Variants in GRIN3A observed in about 807,000 individuals in gnomAD.
The protein encoded by GRIN3A is glutamate ionotropic receptor NMDA type subunit 3A.
Under a neutral mutation model 92.4 loss-of-function variants are expected in GRIN3A, and 47 were observed. The observed-to-expected ratio is 0.51, with a 90% CI of 0.40 to 0.65. The LOEUF is 0.65. Among genes scored for constraint, GRIN3A ranks in the 30% least tolerant of loss-of-function variants. The pLI is 0.00. For synonymous variants in GRIN3A, 527 were observed against 540.6 expected, an observed-to-expected ratio of 0.97 and a Z score of 0.35; for missense variants, 1,324 against 1,393.1, an observed-to-expected ratio of 0.95 and a Z score of 0.79.
At chr9:101,642,979 T>C (rs1328035230) in intron 3 of GRIN3A, among the ~76,000 whole-genome samples, 1 of 152,128 alleles carries the variant, frequency 6.6e-6, no homozygotes, top group Admixed American at 6.5e-5. Flanking sequence ...AATGTAGAAA[T>C]TATTTCATTA....
chr9:101,646,492 G>A (rs894999931), intron 3 of GRIN3A, among the ~76,000 whole-genome samples: 1 of 151,882 alleles, frequency 6.6e-6, no homozygotes, highest in Non-Finnish European at 1.5e-5. Context: ...GATTGCTTTA[G>A]CTATTTGGAG....
At chr9:101,666,661 A>G (rs1395707424) in intron 3 of GRIN3A, among the ~76,000 whole-genome samples, 1 of 152,058 alleles carries the variant, frequency 6.6e-6, no homozygotes, top group Non-Finnish European at 1.5e-5. Flanking sequence ...AAAATATGCC[A>G]TGCATGAAAC....
At chr9:101,682,895 T>C (rs1167293342) in intron 2 of GRIN3A, among the ~76,000 whole-genome samples, 1 of 152,136 alleles carries the variant, frequency 6.6e-6, no homozygotes, top group Non-Finnish European at 1.5e-5. Context: ...GGCAGGAGAA[T>C]GGCGTGAACC....
rs564415634 is a variant in GRIN3A, at chr9:101,691,660, G to C, written c.700-4460C>G. ...AGATAAATGGTTGGAGCCACCATCTGCTTCTATATTTCCTGTGCGATTCTG... is the reference window on the plus strand; with the variant it reads ...AGATAAATGGTTGGAGCCACCATCTCCTTCTATATTTCCTGTGCGATTCTG... On this transcript the variant is annotated intron_variant, in intron 1 of 8. Transcript: ENST00000361820. Among the ~76,000 whole-genome samples, 5 of 152,242 alleles carry C rather than the reference G, an allele frequency of 3.3e-5. No homozygotes were observed. In the East Asian group the frequency reaches 9.7e-4, roughly 29 times the overall value.
intron 5 of GRIN3A, 146 bp downstream of exon 5, chr9:101,623,172 C>A (rs575621399): frequency 1.5e-6 from 1 of 666,080 alleles, no homozygotes; most frequent in African/African-American, 1.8e-5. Context: ...ACTTCAGCAA[C>A]TTAATAGCTA....
chr9:101,601,217 A>C (rs1255214827), intron 6 of GRIN3A: 1 of 152,252 alleles, frequency 6.6e-6, no homozygotes, highest in African/African-American at 2.4e-5. Context: ...TACTTGAGCA[A>C]AGTAGCAGAA....
At chr9:101,720,831 G>A (rs1830003114) in intron 1 of GRIN3A, among the ~76,000 whole-genome samples, 1 of 152,096 alleles carries the variant, frequency 6.6e-6, no homozygotes, top group Non-Finnish European at 1.5e-5. Context: ...GGGAACAATA[G>A]ACTCTGGAGC....
chr9:101,732,041 G>C (rs989993222), intron 1 of GRIN3A, among the ~76,000 whole-genome samples: 1 of 152,180 alleles, frequency 6.6e-6, no homozygotes, highest in Non-Finnish European at 1.5e-5. Flanking sequence ...AATAGCCAGA[G>C]CTAGCAGAAA....
chr9:101,612,345 C>T (rs1472994192), intron 6 of GRIN3A, among the ~76,000 whole-genome samples: 1 of 152,130 alleles, frequency 6.6e-6, no homozygotes, highest in African/African-American at 2.4e-5. Context: ...GAATGAGTAA[C>T]TAGATGGCCA....
chr9:101,734,826 A>G (rs1035432280), intron 1 of GRIN3A, among the ~76,000 whole-genome samples: 2 of 151,970 alleles, frequency 1.3e-5, no homozygotes, highest in Admixed American at 6.6e-5. Context: ...GAAAAAGTCC[A>G]CTTTCTTCTC....
At chr9:101,671,298 A>G (rs1588276045) in intron 2 of GRIN3A, among the ~76,000 whole-genome samples, 191 bp from the exon 3 acceptor site, 1 of 152,328 alleles carries the variant, frequency 6.6e-6, no homozygotes, top group East Asian at 1.9e-4. Context: ...GTCCTATTGC[A>G]CTAAGCAAAT....
rs768870810 is a variant in GRIN3A at position 101,670,415 on chromosome 9, A to G, written c.1997T>C (p.Ile666Thr). Residue 666 changes from isoleucine to threonine, a missense_variant, in exon 3 of 9, where the codon ATT (isoleucine) becomes ACT (threonine). By Grantham distance (89) the Ile-to-Thr change is moderately conservative. Transcript: ENST00000361820. ...GTGGAGTGGCCACATGAAGGCTCCA[A>G]TGGGAGCTGCTGTATCTCGGGTCCT... ...LVRTRDTAAP[I>T]GAFMWPLHWT... The G allele has an allele frequency of 6.2e-6, 10 of 1,613,888 alleles. No homozygotes were observed. The highest frequency in any genetic ancestry group is 8.5e-6 in the Non-Finnish European group (10 of 1,179,946).
intron 3 of GRIN3A, among the ~76,000 whole-genome samples, chr9:101,638,424 T>C (rs1248476182): frequency 6.6e-6 from 1 of 152,246 alleles, no homozygotes; most frequent in Non-Finnish European, 1.5e-5. Flanking sequence ...GAGCAATCTA[T>C]CCTTTTTAGT....
intron 1 of GRIN3A, among the ~76,000 whole-genome samples, chr9:101,723,092 G>T (rs1259524316): frequency 6.6e-6 from 1 of 152,160 alleles, no homozygotes; most frequent in Non-Finnish European, 1.5e-5. Context: ...AATCATGGGG[G>T]CCAGTCTTTC....
At chr9:101,633,732 C>T (rs1828743048) in intron 3 of GRIN3A, among the ~76,000 whole-genome samples, 1 of 152,148 alleles carries the variant, frequency 6.6e-6, no homozygotes, top group African/African-American at 2.4e-5. Context: ...ATCTCCAAAC[C>T]ATTACCACCC....
At chr9:101,700,777 A>G (rs549035974) in intron 1 of GRIN3A, among the ~76,000 whole-genome samples, 7 of 152,292 alleles carry the variant, frequency 4.6e-5, no homozygotes, top group Non-Finnish European at 8.8e-5. Context: ...ACATAACTGA[A>G]ATTTCAGTAA....
At chr9:101,695,736 A>G (rs569598626) in intron 1 of GRIN3A, among the ~76,000 whole-genome samples, 1 of 152,254 alleles carries the variant, frequency 6.6e-6, no homozygotes, top group Admixed American at 6.5e-5. Context: ...GACGTAATTG[A>G]TCCTTTCCCA....
intron 1 of GRIN3A, among the ~76,000 whole-genome samples, chr9:101,709,277 A>T (rs569188257): frequency 6.6e-6 from 1 of 152,356 alleles, no homozygotes; most frequent in Non-Finnish European, 1.5e-5. Context: ...TTCATTATTT[A>T]TCTATGTCAC....
intron 4 of GRIN3A, among the ~76,000 whole-genome samples, chr9:101,627,466 G>T (rs1828649449): frequency 6.6e-6 from 1 of 152,162 alleles, no homozygotes; most frequent in African/African-American, 2.4e-5. Flanking sequence ...TATTGATGCT[G>T]ACCATGGAGA....
Sources: allele counts gnomAD v4.1 joint callset (sites outside exome capture counted in the v4.1 genomes callset), GRCh38; gene constraint gnomAD v4.1.1; transcripts MANE v1.5; gene names NCBI Gene and HGNC (gene_info 2026-07-23, HGNC 2026-07-21).